The following RNF2 variants were observed in gnomAD, a reference collection of about 807,000 sequenced individuals.
RNF2 encodes E3 ubiquitin-protein ligase RING2.
A neutral mutation model predicts 37.2 loss-of-function variants in RNF2; 6 were observed. The observed-to-expected ratio is 0.16, with a 90% CI of 0.09 to 0.32. RNF2 has a LOEUF of 0.32. RNF2 is among the 10% of genes least tolerant of loss of function. The pLI, the probability that RNF2 is intolerant of heterozygous loss-of-function variation, is 1.00. For synonymous variants in RNF2, 133 were observed against 132.7 expected (o/e 1.00, Z -0.02); for missense variants, 251 against 404.0 (o/e 0.62, Z 3.25).
chr1:185,085,285 A>G (rs1032968564), intron 1 of RNF2, among the ~76,000 whole-genome samples: 10 of 150,430 alleles, frequency 6.6e-5, no homozygotes, highest in African/African-American at 2.4e-4. Flanking sequence ...AATAACTGGG[A>G]CTACAGGCGC....
chr1:185,100,050 T>TTCTACCCCATCTAATAAAAAG (rs1652033168), intron 6 of RNF2, 88 bp downstream of exon 6: 1 of 1,352,724 alleles, frequency 7.4e-7, no homozygotes, highest in African/African-American at 1.5e-5. Context: ...ATCTAATAAA[T>TTCTACCCCATCTAATAAAAAG]AATGTAAAAA....
In RNF2 at chr1:185,100,232, C is replaced by A; in HGVS notation, c.942C>A (p.Val314=). Reference sequence around the variant, plus strand: ...ATGGCTCTTTTTCTTTGGAATTGGTCAGTGAGAAATACTGGAAAGTGAACA... The same window carrying A: ...ATGGCTCTTTTTCTTTGGAATTGGTAAGTGAGAAATACTGGAAAGTGAACA... ...VLNGSFSLEL[V]SEKYWKVNKP... The change falls in exon 7 of 7, where the codon GTC becomes GTA. Residue 314 remains valine, a synonymous_variant. Coordinates refer to ENST00000367510, the MANE Select transcript of RNF2 (RefSeq NM_007212.4). 1 of 1,609,142 alleles carries A rather than the reference C, an allele frequency of 6.2e-7. No individual in the cohort carries two copies. The highest frequency in any genetic ancestry group is 8.5e-7 in the Non-Finnish European group (1 of 1,178,182).
chr1:185,048,126 C>T (rs957033561), intron 1 of RNF2, among the ~76,000 whole-genome samples: 1 of 152,128 alleles, frequency 6.6e-6, no homozygotes, highest in African/African-American at 2.4e-5. Flanking sequence ...TTTGATTGGT[C>T]TTACATAAAT....
Position 185,100,324 on chromosome 1 carries a change from A to G in RNF2, c.*23A>G. On this transcript the variant is annotated 3_prime_UTR_variant, in exon 7 of 7. Coordinates refer to ENST00000367510, the MANE Select transcript of RNF2 (RefSeq NM_007212.4). ...TGAGCCTTTAAAAACCAATTCTGAG[A>G]CTGAACTTTTTTATAGCCTATTTCT... The G allele has an allele frequency of 6.6e-7, 1 of 1,522,162 alleles. No individual in the cohort carries two copies. The highest frequency in any genetic ancestry group is 9.0e-7 in the Non-Finnish European group (1 of 1,114,152). The allele number at this position is 1,522,162 out of a possible 1,614,324, so 94.3% of individuals were successfully genotyped here.
chr1:185,062,056 CT>C (rs1650622540), intron 1 of RNF2, among the ~76,000 whole-genome samples: 1 of 152,142 alleles, frequency 6.6e-6, no homozygotes, highest in African/African-American at 2.4e-5. Flanking sequence ...TTATCTCCAC[CT>C]TGTAGCAGCA....
At chr1:185,097,644 C>T (rs1229688540) in intron 4 of RNF2, among the ~76,000 whole-genome samples, 5 of 152,216 alleles carry the variant, frequency 3.3e-5, no homozygotes, top group Admixed American at 2.6e-4. Flanking sequence ...AGCCATCCTC[C>T]TGTCTCAGCC....
intron 1 of RNF2, among the ~76,000 whole-genome samples, chr1:185,064,347 T>C (rs1650736512): frequency 6.6e-6 from 1 of 152,208 alleles, no homozygotes; most frequent in Admixed American, 6.5e-5. Context: ...TCCTACAGAA[T>C]AGGTACTTTA....
intron 3 of RNF2, chr1:185,091,972 G>A (rs1651776968): frequency 5.6e-6 from 2 of 357,052 alleles, no homozygotes; most frequent in Non-Finnish European, 9.9e-6. Flanking sequence ...TTGCCACCGT[G>A]GCCGGCTAGT....
In RNF2 at chr1:185,087,543, T is replaced by C. The variant is rs751869611; in HGVS notation, c.-2-9T>C. 2.5e-6 allele frequency: 4 copies of C among 1,613,432 alleles called. No homozygotes were observed. The highest frequency in any genetic ancestry group is 1.7e-5 in the Admixed American group (1 of 60,006). Reference sequence around the variant, plus strand: ...ACTAAAATTGTTTTTCTCTCTTCTTTATTTCCAGCAATGTCTCAGGCTGTG... The same window carrying C: ...ACTAAAATTGTTTTTCTCTCTTCTTCATTTCCAGCAATGTCTCAGGCTGTG... On this transcript the variant is annotated splice_polypyrimidine_tract_variant and intron_variant, in intron 1 of 6. Coordinates refer to ENST00000367510, the MANE Select transcript of RNF2 (RefSeq NM_007212.4).
intron 1 of RNF2, among the ~76,000 whole-genome samples, chr1:185,082,364 T>TTTTTTTTTTTTTTTTTTTTTTTTTG (rs1173750596): frequency 8.7e-6 from 1 of 114,890 alleles, no homozygotes; most frequent in Non-Finnish European, 1.9e-5. Context: ...TTTTTTTTTT[T>TTTTTTTTTTTTTTTTTTTTTTTTTG]TTTGAAGACA....
intron 1 of RNF2, among the ~76,000 whole-genome samples, chr1:185,086,639 A>G (rs867966062): frequency 1.3e-5 from 2 of 152,190 alleles, no homozygotes; most frequent in Non-Finnish European, 2.9e-5. Context: ...ACTAATTGTT[A>G]TTATTAGTTT....
intron 6 of RNF2, 48 bp downstream of exon 6, chr1:185,100,010 A>G: frequency 6.5e-7 from 1 of 1,541,586 alleles, no homozygotes; most frequent in Non-Finnish European, 8.9e-7. Flanking sequence ...CACACTGACC[A>G]ACTAACTGAG....
At position 185,074,020 on chromosome 1, in the gene RNF2, A is replaced by T. The variant is rs115938368; in HGVS notation, c.-2-13532A>T. Reference sequence around the variant, plus strand: ...TGGCTATAAGTTGGGGATTTCCGCAATCCCCTTGTCAGGTTTGATAATTTG... The same window carrying T: ...TGGCTATAAGTTGGGGATTTCCGCATTCCCCTTGTCAGGTTTGATAATTTG... On this transcript the variant is annotated intron_variant, in intron 1 of 6. Transcript: ENST00000367510. Among the ~76,000 whole-genome samples, 800 of 152,320 alleles carry T rather than the reference A, an allele frequency of 5.3e-3. 9 individuals are homozygous for T. Among genetic ancestry groups the T allele is most frequent in the African/African-American group, 0.019 (771 of 41,570 alleles).
chr1:185,052,578 A>G (rs1007692073), intron 1 of RNF2, among the ~76,000 whole-genome samples: 2 of 152,194 alleles, frequency 1.3e-5, no homozygotes, highest in African/African-American at 2.4e-5. Flanking sequence ...CTTAATGGGT[A>G]AAGAGTTTTA....
At chr1:185,049,121 G>A (rs1650200428) in intron 1 of RNF2, among the ~76,000 whole-genome samples, 1 of 152,120 alleles carries the variant, frequency 6.6e-6, no homozygotes, top group African/African-American at 2.4e-5. Flanking sequence ...AGCTACTCAG[G>A]AGGCTGAAGC....
intron 1 of RNF2, among the ~76,000 whole-genome samples, chr1:185,048,484 T>A (rs955134126): frequency 4.6e-5 from 7 of 152,240 alleles, no homozygotes; most frequent in Non-Finnish European, 1.0e-4. Context: ...GTTTGCCATT[T>A]ATCATAATTT....
chr1:185,098,205 T>C lies in RNF2; in HGVS notation c.598T>C (p.Ser200Pro). 1 of 1,614,136 alleles carries C rather than the reference T, an allele frequency of 6.2e-7. No individual in the cohort carries two copies. The highest frequency in any genetic ancestry group is 8.5e-7 in the Non-Finnish European group (1 of 1,180,022). The change falls in exon 5 of 7, where the codon TCT becomes CCT. Residue 200 changes from serine to proline, a missense_variant. By Grantham distance (74) the Ser-to-Pro change is moderately conservative. This residue lies in a region of RNF2 where 94 missense variants were observed against 99.2 expected (regional missense o/e 0.95). Coordinates refer to ENST00000367510, the MANE Select transcript of RNF2 (RefSeq NM_007212.4). ...AGPSNKRTKT[S>P]DDSGLELDNN... Reference sequence around the variant, plus strand: ...CCCTAGTAACAAACGGACCAAAACATCTGATGATTCTGGGCTAGAGCTTGA... The same window carrying C: ...CCCTAGTAACAAACGGACCAAAACACCTGATGATTCTGGGCTAGAGCTTGA...
intron 2 of RNF2, among the ~76,000 whole-genome samples, chr1:185,087,860 A>G (rs939142592): frequency 6.6e-6 from 1 of 152,250 alleles, no homozygotes; most frequent in Admixed American, 6.5e-5. Flanking sequence ...AGTGGTGAAT[A>G]AAACAGATGT....
At chr1:185,072,610 A>G (rs981451051) in intron 1 of RNF2, among the ~76,000 whole-genome samples, 1 of 152,110 alleles carries the variant, frequency 6.6e-6, no homozygotes, top group Non-Finnish European at 1.5e-5. Flanking sequence ...CTCTAAAATG[A>G]GAATGATCTT....
Sources: allele counts gnomAD v4.1 joint callset (sites outside exome capture counted in the v4.1 genomes callset), GRCh38; gene constraint gnomAD v4.1.1; regional missense constraint gnomAD v4.1.1; transcripts MANE v1.5; gene names NCBI Gene and HGNC (gene_info 2026-07-23, HGNC 2026-07-21).